Variants in CBX5 observed in about 807,000 individuals in gnomAD.
CBX5 encodes the protein chromobox 5.
CBX5 carries 7 observed loss-of-function variants against 20.7 expected under a neutral mutation model. The observed-to-expected ratio is 0.34, with a 90% CI of 0.19 to 0.63. CBX5 has a LOEUF of 0.63. CBX5 is among the 30% of genes least tolerant of loss of function. The pLI is 0.75. For synonymous variants in CBX5, 78 were observed against 77.0 expected (o/e 1.01, Z -0.07); for missense variants, 110 against 224.1 (o/e 0.49, Z 3.25).
At chr12:54,263,914 G>C (rs1262294513) in intron 1 of CBX5, among the ~76,000 whole-genome samples, 1 of 151,756 alleles carries the variant, frequency 6.6e-6, no homozygotes, top group Non-Finnish European at 1.5e-5. Flanking sequence ...GTGGTGGCGG[G>C]AGCCTGTAGT....
chr12:54,253,979 G>C (rs1943836072), intron 2 of CBX5, among the ~76,000 whole-genome samples: 1 of 152,046 alleles, frequency 6.6e-6, no homozygotes, highest in Non-Finnish European at 1.5e-5. Context: ...TCGAACTCCT[G>C]ACCTCAAGTG....
chr12:54,260,511 G>C (rs1182195034), intron 1 of CBX5, among the ~76,000 whole-genome samples: 1 of 149,738 alleles, frequency 6.7e-6, no homozygotes, highest in Non-Finnish European at 1.5e-5. Flanking sequence ...AAAACAAAAT[G>C]AATTTAGGTG....
intron 1 of CBX5, chr12:54,272,565 C>G (rs942887454): frequency 8.5e-5 from 13 of 152,190 alleles, no homozygotes; most frequent in African/African-American, 3.1e-4. Context: ...TAGTCTATTA[C>G]ATCCCTTGTA....
rs1013153033 is a variant in CBX5 at position 54,232,784 on chromosome 12, A to C, written c.*8971T>G. The stretch of plus-strand genomic sequence containing the variant: ...TCATGTTATAGATGTTTTGAAAATA[A>C]AATTACATCTTTAACATTAAGGACA... On this transcript the variant is annotated 3_prime_UTR_variant, in exon 5 of 5. Transcript: ENST00000209875. 3.4e-4 allele frequency: 51 copies of C among 152,116 alleles called. No individual in the cohort carries two copies. Among genetic ancestry groups the C allele is most frequent in the African/African-American group, 1.2e-3 (49 of 41,394 alleles). The allele number at this position is 152,116 out of a possible 1,614,324, so 9.4% of individuals were successfully genotyped here.
chr12:54,242,020 T>G, intron 4 of CBX5, 115 bp from the exon 5 acceptor site: 3 of 988,512 alleles, frequency 3.0e-6, no homozygotes, highest in Non-Finnish European at 4.5e-6. Context: ...TCACCTTGGT[T>G]TCAAGGTGAA....
intron 1 of CBX5, chr12:54,259,565 AGGTCTG>A (rs1233563553): frequency 6.5e-6 from 1 of 152,702 alleles, no homozygotes; most frequent in Non-Finnish European, 1.5e-5. Context: ...CTCCCCTCCC[AGGTCTG>A]GGTCTTGGCG....
chr12:54,242,755 A>T (rs1171540369), intron 4 of CBX5, among the ~76,000 whole-genome samples: 1 of 152,058 alleles, frequency 6.6e-6, no homozygotes, highest in Non-Finnish European at 1.5e-5. Context: ...GGCCTCTAAT[A>T]CCAAGTATAA....
intron 1 of CBX5, chr12:54,276,631 ATTT>A (rs1944070882): frequency 1.3e-5 from 2 of 152,230 alleles, no homozygotes; most frequent in Non-Finnish European, 2.9e-5. Context: ...AGTTGGCATG[ATTT>A]GGTGACCTAT....
intron 1 of CBX5, among the ~76,000 whole-genome samples, chr12:54,261,189 C>CAAA (rs1187762152): frequency 1.5e-5 from 1 of 64,666 alleles, no homozygotes; most frequent in African/African-American, 6.4e-5. Context: ...GAAACCGTCT[C>CAAA]AAAAAAAAAA....
At chr12:54,260,944 A>G (rs572470710) in intron 1 of CBX5, among the ~76,000 whole-genome samples, 1 of 152,200 alleles carries the variant, frequency 6.6e-6, no homozygotes, top group Admixed American at 6.5e-5. Flanking sequence ...TAATCCCAGC[A>G]CTTTGGGAAG....
At chr12:54,253,727 C>CAA (rs58403125) in intron 2 of CBX5, among the ~76,000 whole-genome samples, 103 of 70,362 alleles carry the variant, frequency 1.5e-3, no homozygotes, top group East Asian at 3.5e-3. Context: ...GATACCATCT[C>CAA]AAAAAAAAAA....
At chr12:54,258,006 G>A (rs76261000) in intron 1 of CBX5, 2,118 of 183,396 alleles carry the variant, frequency 0.012, 46 homozygotes, top group African/African-American at 0.047. Flanking sequence ...CTGTTTACAA[G>A]CCAGGAACTC....
chr12:54,271,629 C>G (rs951300243), intron 1 of CBX5, among the ~76,000 whole-genome samples: 3 of 152,220 alleles, frequency 2.0e-5, no homozygotes, highest in African/African-American at 7.2e-5. Context: ...TGGCTTGTTA[C>G]TTCATTTCTG....
At chr12:54,261,516 C>T (rs1422571059) in intron 1 of CBX5, among the ~76,000 whole-genome samples, 1 of 151,936 alleles carries the variant, frequency 6.6e-6, no homozygotes, top group Non-Finnish European at 1.5e-5. Flanking sequence ...AGGATGGTCT[C>T]GATTTCCTCA....
Position 54,242,868 on chromosome 12 carries a change from T to TA in CBX5, c.426-964dup, listed in dbSNP as rs1285099706. Among the ~76,000 whole-genome samples the TA allele has an allele frequency of 3.3e-5, 5 of 152,332 alleles. No homozygotes were observed. In the East Asian group the frequency reaches 9.6e-4, roughly 29 times the overall value. ...GCTCAGGTGCAGCAGCTCATGCCTGTAATCCCAGCACTTTGGGAGGCTGAG... is the reference window on the plus strand; with the variant it reads ...GCTCAGGTGCAGCAGCTCATGCCTGTAAATCCCAGCACTTTGGGAGGCTGAG... On this transcript the variant is annotated intron_variant, in intron 4 of 4. Coordinates refer to ENST00000209875, the MANE Select transcript of CBX5 (RefSeq NM_012117.3).
At chr12:54,274,448 T>A (rs1272058179) in intron 1 of CBX5, 1 of 152,212 alleles carries the variant, frequency 6.6e-6, no homozygotes, top group Admixed American at 6.5e-5. Context: ...CTAAGTCAAG[T>A]GGTATCTCAT....
At chr12:54,246,323 T>G in intron 3 of CBX5, 108 bp from the exon 4 acceptor site, 1 of 813,514 alleles carries the variant, frequency 1.2e-6, no homozygotes, top group Non-Finnish European at 2.0e-6. Flanking sequence ...CTGATATCAT[T>G]TCTTTCACCA....
chr12:54,251,516 C>CAAAA (rs55662273), intron 3 of CBX5, among the ~76,000 whole-genome samples: 1 of 68,096 alleles, frequency 1.5e-5, no homozygotes. Context: ...GACTCTGTCT[C>CAAAA]AAAAAAAAAA....
chr12:54,252,767 T>C (rs1943819617), intron 2 of CBX5, among the ~76,000 whole-genome samples: 1 of 151,724 alleles, frequency 6.6e-6, no homozygotes, highest in Admixed American at 6.6e-5. Context: ...GGCAGATCAC[T>C]TGAGGTCAGG....
Sources: allele counts gnomAD v4.1 joint callset (sites outside exome capture counted in the v4.1 genomes callset), GRCh38; gene constraint gnomAD v4.1.1; transcripts MANE v1.5; gene names NCBI Gene and HGNC (gene_info 2026-07-23, HGNC 2026-07-21).